MAP2K4: variants seen among roughly 807,000 people sequenced by gnomAD.
MAP2K4 encodes mitogen-activated protein kinase kinase 4, also known as dual specificity mitogen-activated protein kinase kinase 4.
In MAP2K4, 4 loss-of-function variants were observed where a neutral mutation model predicts 48.5. The observed-to-expected ratio is 0.08, with a 90% CI of 0.04 to 0.19. The LOEUF is 0.19. Ranked by LOEUF, MAP2K4 falls within the 10% of genes least tolerant of loss-of-function variation. MAP2K4 has a pLI of 1.00. For missense variants in MAP2K4, 258 were observed against 493.3 expected (o/e 0.52, Z 4.52); for synonymous variants, 166 against 173.1 (o/e 0.96, Z 0.32).
intron 3 of MAP2K4, among the ~76,000 whole-genome samples, chr17:12,088,966 C>CA (rs891384672): frequency 6.8e-6 from 1 of 147,578 alleles, no homozygotes; most frequent in Non-Finnish European, 1.5e-5. Context: ...GGCTGGAGTG[C>CA]AGTGGCATGA....
chr17:12,129,858 G>A (rs1351512369), intron 9 of MAP2K4, among the ~76,000 whole-genome samples: 1 of 152,178 alleles, frequency 6.6e-6, no homozygotes, highest in Non-Finnish European at 1.5e-5. Context: ...CTTTTTAATA[G>A]TTTGTTGTGT....
At chr17:12,024,302 A>G (rs1167155359) in intron 1 of MAP2K4, among the ~76,000 whole-genome samples, 1 of 152,186 alleles carries the variant, frequency 6.6e-6, no homozygotes, top group Non-Finnish European at 1.5e-5. Flanking sequence ...ATTTGATTAT[A>G]AGAGTAATCA....
chr17:12,116,053 G>C (rs1006485263), intron 7 of MAP2K4, among the ~76,000 whole-genome samples: 1 of 152,160 alleles, frequency 6.6e-6, no homozygotes, highest in East Asian at 1.9e-4. Context: ...GTGCACTGAA[G>C]TCAGATGAGT....
At chr17:12,109,951 G>A (rs1972249304) in intron 5 of MAP2K4, among the ~76,000 whole-genome samples, 1 of 151,768 alleles carries the variant, frequency 6.6e-6, no homozygotes, top group Admixed American at 6.6e-5. Flanking sequence ...AACATAGTGA[G>A]AACCCTGTCC....
In MAP2K4 at chr17:12,143,071, T is replaced by C. The variant is rs1268948453; in HGVS notation, c.*1811T>C. 4.3e-6 allele frequency: 1 copy of C among 232,970 alleles called. No homozygotes were observed. The highest frequency in any genetic ancestry group is 2.2e-5 in the African/African-American group (1 of 45,332). 14.4% of individuals were successfully genotyped at this position (232,970 alleles called of 1,614,324 possible). A position where few individuals can be genotyped will look rare whatever the true frequency, so the allele number is the denominator to read the frequency against. Reference sequence around the variant, plus strand: ...TTGATCTACTTGCCTCATTTCCCTATCTTCTCCCCCACGGTATCCTAAACT... The same window carrying C: ...TTGATCTACTTGCCTCATTTCCCTACCTTCTCCCCCACGGTATCCTAAACT... On this transcript the variant is annotated 3_prime_UTR_variant, in exon 11 of 11. Coordinates refer to ENST00000353533, the MANE Select transcript of MAP2K4 (RefSeq NM_003010.4).
intron 4 of MAP2K4, among the ~76,000 whole-genome samples, chr17:12,102,956 G>A (rs1463576085): frequency 6.7e-6 from 1 of 149,262 alleles, no homozygotes; most frequent in African/African-American, 2.5e-5. Context: ...AATTAGTCCA[G>A]CTAGAGGTTT....
intron 1 of MAP2K4, among the ~76,000 whole-genome samples, chr17:12,046,105 G>A (rs944800722): frequency 6.6e-6 from 1 of 152,180 alleles, no homozygotes; most frequent in African/African-American, 2.4e-5. Flanking sequence ...GACTGTGAAA[G>A]ATGATGGTAT....
chr17:12,140,396 A>G (rs1283298893), intron 10 of MAP2K4, among the ~76,000 whole-genome samples: 1 of 152,206 alleles, frequency 6.6e-6, no homozygotes, highest in African/African-American at 2.4e-5. Flanking sequence ...ATTTTAAGAA[A>G]AGATCCATTT....
chr17:12,119,261 T>G (rs1171501566), intron 7 of MAP2K4, among the ~76,000 whole-genome samples: 3 of 152,118 alleles, frequency 2.0e-5, no homozygotes, highest in Non-Finnish European at 2.9e-5. Flanking sequence ...TCTCACAAAG[T>G]TCTAATATTC....
intron 1 of MAP2K4, among the ~76,000 whole-genome samples, chr17:12,025,096 G>C (rs1348297641): frequency 6.6e-6 from 1 of 152,206 alleles, no homozygotes; most frequent in Non-Finnish European, 1.5e-5. Flanking sequence ...GTAGCAGCTA[G>C]CGTTCCCATA....
chr17:12,068,659 AG>A (rs1970690840), intron 2 of MAP2K4, among the ~76,000 whole-genome samples: 1 of 152,068 alleles, frequency 6.6e-6, no homozygotes, highest in Non-Finnish European at 1.5e-5. Context: ...ATCTGTAAAT[AG>A]GGGTCATAGG....
intron 1 of MAP2K4, among the ~76,000 whole-genome samples, chr17:12,035,265 C>T (rs1263718431): frequency 6.6e-6 from 1 of 152,156 alleles, no homozygotes; most frequent in African/African-American, 2.4e-5. Flanking sequence ...TGCCTGTAAT[C>T]CCAGCACTTC....
At chr17:12,131,455 C>T (rs1000178205) in intron 9 of MAP2K4, among the ~76,000 whole-genome samples, 1 of 151,838 alleles carries the variant, frequency 6.6e-6, no homozygotes, top group Non-Finnish European at 1.5e-5. Context: ...CCATGTTGGC[C>T]AGGCTGATCT....
At chr17:12,127,538 T>TTCC (rs1972891577) in intron 8 of MAP2K4, among the ~76,000 whole-genome samples, 1 of 152,238 alleles carries the variant, frequency 6.6e-6, no homozygotes, top group African/African-American at 2.4e-5. Flanking sequence ...ACCTTGTTGT[T>TTCC]TAAAAGGTAT....
At chr17:12,093,351 T>C (rs1250882579) in intron 3 of MAP2K4, among the ~76,000 whole-genome samples, 1 of 152,210 alleles carries the variant, frequency 6.6e-6, no homozygotes. Context: ...TGTCTCAGTG[T>C]TAGGTATCAG....
intron 2 of MAP2K4, among the ~76,000 whole-genome samples, chr17:12,057,222 A>G (rs1186493942): frequency 1.3e-5 from 2 of 152,210 alleles, no homozygotes; most frequent in African/African-American, 2.4e-5. Flanking sequence ...TGTCAAATTA[A>G]AGGTGTACAA....
At chr17:12,137,491 G>GAC (rs1325211966) in intron 9 of MAP2K4, among the ~76,000 whole-genome samples, 4 of 152,182 alleles carry the variant, frequency 2.6e-5, no homozygotes, top group Admixed American at 2.6e-4. Flanking sequence ...TGATATAAAA[G>GAC]ACACAACAGA....
In MAP2K4 at chr17:12,081,830, G is replaced by A; in HGVS notation, c.393+300G>A. 2 of 497,628 alleles carry A rather than the reference G, an allele frequency of 4.0e-6. No homozygotes were observed. The highest frequency in any genetic ancestry group is 8.2e-6 in the Non-Finnish European group (2 of 244,754). 30.8% of individuals were successfully genotyped at this position (497,628 alleles called of 1,614,324 possible). On this transcript the variant is annotated intron_variant, in intron 3 of 10. Transcript: ENST00000353533. The surrounding 1 kb of genome is among the most constrained non-coding windows in gnomAD (Gnocchi z 4.2). Reference sequence around the variant, plus strand: ...CAAGGTGAGTTCAGGCTGGGCGGCTGCACCCCTGGGAGCAGGGCAGTGCTG... The same window carrying A: ...CAAGGTGAGTTCAGGCTGGGCGGCTACACCCCTGGGAGCAGGGCAGTGCTG...
chr17:12,136,720 A>G (rs1358572445), intron 9 of MAP2K4, among the ~76,000 whole-genome samples: 3 of 152,232 alleles, frequency 2.0e-5, no homozygotes, highest in East Asian at 1.9e-4. Flanking sequence ...AAATAGCATC[A>G]TAAGTTTATA....
Sources: gnomAD v4.1 joint callset for allele counts (sites outside exome capture counted in the v4.1 genomes callset) on GRCh38, gnomAD v4.1.1 for gene constraint, Gnocchi (gnomAD v3.1) non-coding constraint, MANE v1.5 for transcripts, NCBI Gene and HGNC (gene_info 2026-07-23, HGNC 2026-07-21) for gene names.